Variants in RNF150 observed in about 807,000 individuals in gnomAD.
RNF150 encodes ring finger protein 150.
Under a neutral mutation model 39.3 loss-of-function variants are expected in RNF150, and 24 were observed. The ratio of observed to expected loss-of-function variants is 0.61; its 90% CI spans 0.44 to 0.86. The LOEUF (loss-of-function observed/expected upper bound fraction) is 0.86, where lower values mean the gene tolerates loss of function less well. Ranked by LOEUF, RNF150 falls within the 40% of genes least tolerant of loss-of-function variation. The pLI, the probability that RNF150 is intolerant of heterozygous loss-of-function variation, is 0.00. For missense variants in RNF150, 502 were observed against 587.8 expected, an observed-to-expected ratio of 0.85 and a Z score of 1.51; for synonymous variants, 255 against 227.3, an observed-to-expected ratio of 1.12 and a Z score of -1.10.
At chr4:141,098,962 G>T (rs1374417029) in intron 1 of RNF150, among the ~76,000 whole-genome samples, 1 of 152,072 alleles carries the variant, frequency 6.6e-6, no homozygotes, top group Non-Finnish European at 1.5e-5. Flanking sequence ...AGTTCCTTGA[G>T]CACTTCCTTA....
chr4:141,074,162 A>T (rs1174132253), intron 1 of RNF150, among the ~76,000 whole-genome samples: 1 of 152,124 alleles, frequency 6.6e-6, no homozygotes, highest in Non-Finnish European at 1.5e-5. Flanking sequence ...AAAATCTTTC[A>T]GTCACAGAAG....
At chr4:140,927,371 T>C (rs912351792) in intron 4 of RNF150, among the ~76,000 whole-genome samples, 7 of 152,116 alleles carry the variant, frequency 4.6e-5, no homozygotes, top group African/African-American at 1.7e-4. Flanking sequence ...AGTTTGGAGG[T>C]GGGGCCTGGT....
At chr4:141,093,787 T>C (rs1182940699) in intron 1 of RNF150, among the ~76,000 whole-genome samples, 1 of 152,092 alleles carries the variant, frequency 6.6e-6, no homozygotes, top group Non-Finnish European at 1.5e-5. Context: ...AATACAAGCC[T>C]GCATGGGTGA....
rs143320568 is a variant in RNF150 at position 141,025,122 on chromosome 4, A to C, written c.485-57249T>G. Among the ~76,000 whole-genome samples, 61 of 152,240 alleles carry C rather than the reference A, an allele frequency of 4.0e-4. No individual in the cohort carries two copies. The East Asian group carries it at 5.0e-3, about 13-fold the overall frequency. On this transcript the variant is annotated intron_variant, in intron 1 of 6. Transcript: ENST00000515673. The stretch of plus-strand genomic sequence containing the variant: ...AAAGCAAATAAATAGTAGGATTAGA[A>C]CTCTTCAAGAAATTCTGATTACAGA...
intron 5 of RNF150, among the ~76,000 whole-genome samples, chr4:140,918,642 T>C (rs1452876530): frequency 6.6e-6 from 1 of 151,836 alleles, no homozygotes; most frequent in Non-Finnish European, 1.5e-5. Context: ...CTGAAACTAT[T>C]CCAATCAATA....
chr4:141,068,470 T>C (rs1481301169), intron 1 of RNF150, among the ~76,000 whole-genome samples: 3 of 152,178 alleles, frequency 2.0e-5, no homozygotes, highest in East Asian at 1.9e-4. Flanking sequence ...AGCCTTGTAG[T>C]ATAGTTTGAA....
At chr4:141,091,218 G>A (rs991668843) in intron 1 of RNF150, among the ~76,000 whole-genome samples, 2 of 152,148 alleles carry the variant, frequency 1.3e-5, no homozygotes, top group African/African-American at 4.8e-5. Context: ...TGTAATGTGG[G>A]GGATAATTGT....
chr4:141,031,064 C>T (rs1735925608), intron 1 of RNF150, among the ~76,000 whole-genome samples: 1 of 151,926 alleles, frequency 6.6e-6, no homozygotes. Context: ...GTTATGAAAA[C>T]TCCATTAGAA....
intron 6 of RNF150, among the ~76,000 whole-genome samples, chr4:140,894,740 ATCT>A (rs1358383771): frequency 1.3e-5 from 2 of 152,176 alleles, no homozygotes; most frequent in African/African-American, 2.4e-5. Context: ...TGCTGAATAG[ATCT>A]TCAATGTTTA....
chr4:140,897,395 C>T (rs1730005275), intron 6 of RNF150, among the ~76,000 whole-genome samples: 1 of 152,112 alleles, frequency 6.6e-6, no homozygotes, highest in African/African-American at 2.4e-5. Flanking sequence ...ATAGAAGTGA[C>T]AATTCTCTGC....
At chr4:140,939,889 T>A (rs1732016188) in intron 4 of RNF150, among the ~76,000 whole-genome samples, 1 of 152,194 alleles carries the variant, frequency 6.6e-6, no homozygotes, top group African/African-American at 2.4e-5. Flanking sequence ...TACCCCTGAA[T>A]CTCTGTTGAA....
At chr4:140,931,781 G>A (rs779041880) in intron 4 of RNF150, among the ~76,000 whole-genome samples, 2 of 152,308 alleles carry the variant, frequency 1.3e-5, no homozygotes, top group Admixed American at 1.3e-4. Context: ...TCAAACACCC[G>A]AAAACAGAGG....
intron 1 of RNF150, among the ~76,000 whole-genome samples, chr4:141,059,313 C>T (rs1737118418): frequency 6.6e-6 from 1 of 152,084 alleles, no homozygotes; most frequent in Non-Finnish European, 1.5e-5. Flanking sequence ...TTTCCAGATA[C>T]ACATTCCAAT....
chr4:141,032,863 G>A (rs1366644138), intron 1 of RNF150, among the ~76,000 whole-genome samples: 1 of 152,174 alleles, frequency 6.6e-6, no homozygotes, highest in African/African-American at 2.4e-5. Flanking sequence ...AAAAAGCAAT[G>A]TACATACCTT....
At chr4:141,196,409 C>T (rs1046124879) in intron 1 of RNF150, among the ~76,000 whole-genome samples, 1 of 152,072 alleles carries the variant, frequency 6.6e-6, no homozygotes, top group African/African-American at 2.4e-5. Flanking sequence ...ATGCAAATAC[C>T]AAGCAGCTGT....
intron 4 of RNF150, among the ~76,000 whole-genome samples, chr4:140,930,076 G>A (rs1731566675): frequency 6.6e-6 from 1 of 152,132 alleles, no homozygotes. Flanking sequence ...TGGGAGAATT[G>A]CTTGAACCTG....
intron 2 of RNF150, among the ~76,000 whole-genome samples, chr4:140,957,847 C>T (rs1167854736): frequency 2.1e-5 from 3 of 143,860 alleles, no homozygotes; most frequent in South Asian, 2.2e-4. Flanking sequence ...GGGAAATGAA[C>T]AATGAGAACA....
At chr4:141,162,353 A>C (rs1372466843) in intron 1 of RNF150, among the ~76,000 whole-genome samples, 3 of 152,112 alleles carry the variant, frequency 2.0e-5, no homozygotes, top group Non-Finnish European at 1.5e-5. Context: ...TTGGAATGGG[A>C]TTATTTACCC....
intron 6 of RNF150, among the ~76,000 whole-genome samples, chr4:140,904,201 C>A (rs539973793): frequency 6.6e-6 from 1 of 152,082 alleles, no homozygotes; most frequent in Non-Finnish European, 1.5e-5. Context: ...GCTCTAGGGA[C>A]CTGGCACGTT....
Sources: gnomAD v4.1 joint callset for allele counts (sites outside exome capture counted in the v4.1 genomes callset) on GRCh38, gnomAD v4.1.1 for gene constraint, MANE v1.5 for transcripts, NCBI Gene and HGNC (gene_info 2026-07-23, HGNC 2026-07-21) for gene names.